Variants in MAMDC2 observed in about 807,000 individuals in gnomAD.
MAMDC2 encodes MAM domain containing 2.
MAMDC2 carries 57 observed loss-of-function variants against 89.8 expected under a neutral mutation model. The observed-to-expected ratio is 0.63, with a 90% confidence interval of 0.51 to 0.79. MAMDC2 has a LOEUF of 0.79. Ranked by LOEUF, MAMDC2 falls within the 30% of genes least tolerant of loss-of-function variation. MAMDC2 has a pLI of 0.00. For missense variants in MAMDC2, 800 were observed against 820.6 expected, an observed-to-expected ratio of 0.97 and a Z score of 0.31; for synonymous variants, 313 against 293.4, an observed-to-expected ratio of 1.07 and a Z score of -0.68.
intron 11 of MAMDC2, chr9:70,217,492 G>C: frequency 6.7e-7 from 1 of 1,486,962 alleles, no homozygotes; most frequent in Non-Finnish European, 9.4e-7. Flanking sequence ...GAAACCTTAA[G>C]TTAGAAAGGC....
At chr9:70,195,367 C>T (rs2118612689) in intron 11 of MAMDC2, among the ~76,000 whole-genome samples, 3 of 152,198 alleles carry the variant, frequency 2.0e-5, no homozygotes, top group Admixed American at 2.0e-4. Flanking sequence ...ATTTGACAAA[C>T]TATTTCCTGC....
At chr9:70,090,708 A>G (rs182396782) in intron 2 of MAMDC2, 7 of 152,300 alleles carry the variant, frequency 4.6e-5, no homozygotes, top group Non-Finnish European at 1.5e-5. Context: ...TAGCCAAAGT[A>G]TAAATGGCAC....
intron 2 of MAMDC2, among the ~76,000 whole-genome samples, chr9:70,050,134 C>T (rs1231842879): frequency 6.6e-6 from 1 of 152,176 alleles, no homozygotes. Context: ...TGGGGCCAAA[C>T]AAAGCCACAA....
intron 2 of MAMDC2, among the ~76,000 whole-genome samples, chr9:70,068,513 T>C (rs1274504362): frequency 6.6e-6 from 1 of 151,844 alleles, no homozygotes; most frequent in African/African-American, 2.4e-5. Context: ...AGGTAGGAGT[T>C]TGAGACCAGC....
chr9:70,185,560 C>A (rs1164264318), intron 11 of MAMDC2, among the ~76,000 whole-genome samples: 1 of 152,160 alleles, frequency 6.6e-6, no homozygotes, highest in Non-Finnish European at 1.5e-5. Flanking sequence ...TAAGCTGCTG[C>A]CTTTCTTTCA....
Position 70,204,140 on chromosome 9 carries a change from T to TA in MAMDC2, c.1652-14196dup, listed in dbSNP as rs1006636759. 5.5e-3 allele frequency among the ~76,000 whole-genome samples: 843 copies of TA among 151,960 alleles called. 7 individuals carry two copies. Among genetic ancestry groups the TA allele is most frequent in the African/African-American group, 0.02 (809 of 41,456 alleles). On this transcript the variant is annotated intron_variant, in intron 11 of 13. Coordinates refer to ENST00000377182, the MANE Select transcript of MAMDC2 (RefSeq NM_153267.5). ...GGAGGAGGAGAGACGCTCTGCGTTT[T>TA]AGAGTTTCCAGTTTTTCTGTTCTGT...
chr9:70,208,021 T>G (rs2033265989), intron 11 of MAMDC2, among the ~76,000 whole-genome samples: 6 of 152,216 alleles, frequency 3.9e-5, no homozygotes, highest in Admixed American at 3.3e-4. Context: ...ACCATGCTGT[T>G]TTGGTTACTG....
intron 11 of MAMDC2, chr9:70,194,002 C>T (rs768181411): frequency 1.3e-5 from 2 of 152,088 alleles, no homozygotes; most frequent in Non-Finnish European, 2.9e-5. Flanking sequence ...AAAAGTCACA[C>T]TATAAATATG....
intron 2 of MAMDC2, chr9:70,087,243 T>C (rs1827789739): frequency 6.6e-6 from 1 of 152,172 alleles, no homozygotes; most frequent in African/African-American, 2.4e-5. Context: ...TGAAAAATAC[T>C]CTAATTCAAA....
At chr9:70,096,185 T>G (rs1828022716) in intron 2 of MAMDC2, among the ~76,000 whole-genome samples, 1 of 152,086 alleles carries the variant, frequency 6.6e-6, no homozygotes, top group Admixed American at 6.6e-5. Flanking sequence ...GCCTGGCTAA[T>G]TTTTCTATGT....
intron 11 of MAMDC2, among the ~76,000 whole-genome samples, chr9:70,215,788 T>G (rs1219161594): frequency 6.6e-6 from 1 of 152,100 alleles, no homozygotes; most frequent in Non-Finnish European, 1.5e-5. Flanking sequence ...TCAGCCCAGT[T>G]TTGCAGGGTG....
Position 70,143,591 on chromosome 9 carries a change from G to C in MAMDC2, c.1176G>C (p.Gln392His). Reference sequence around the variant, plus strand: ...TAGCCAACACAAAGTTCACATCTCAGCCTGGCTACATTGGAAGGCTCTATG... The same window carrying C: ...TAGCCAACACAAAGTTCACATCTCACCCTGGCTACATTGGAAGGCTCTATG... Reference protein sequence around the residue: ...YLLANTKFTSQPGYIGRLYGP... With the variant: ...YLLANTKFTSHPGYIGRLYGP... The change falls in exon 9 of 14, where the codon CAG becomes CAC. Residue 392 changes from glutamine to histidine, a missense_variant. Physicochemically the swap from Gln to His is conservative, Grantham distance 24. Transcript: ENST00000377182. The C allele has an allele frequency of 1.2e-6, 2 of 1,614,116 alleles. No individual in the cohort carries two copies. The highest frequency in any genetic ancestry group is 8.5e-7 in the Non-Finnish European group (1 of 1,180,002).
intron 2 of MAMDC2, chr9:70,090,597 G>A (rs957401388): frequency 1.3e-5 from 2 of 151,798 alleles, no homozygotes; most frequent in African/African-American, 4.8e-5. Context: ...AAAAAGTTTA[G>A]TAACATACAC....
intron 6 of MAMDC2, among the ~76,000 whole-genome samples, chr9:70,127,749 T>C (rs1397736848): frequency 1.3e-5 from 2 of 151,916 alleles, no homozygotes; most frequent in Non-Finnish European, 2.9e-5. Flanking sequence ...TGCTATTTCC[T>C]ATCCCAAAGT....
chr9:70,047,341 T>A (rs1397881524), intron 2 of MAMDC2, among the ~76,000 whole-genome samples: 3 of 152,120 alleles, frequency 2.0e-5, no homozygotes, highest in African/African-American at 7.2e-5. Context: ...GTCCTAATAC[T>A]CTCCCTCCCC....
chr9:70,218,004 A>G lies in MAMDC2; in HGVS notation c.1652-333A>G, dbSNP rs1175973749. 2.0e-5 allele frequency among the ~76,000 whole-genome samples: 3 copies of G among 152,196 alleles called. No individual in the cohort carries two copies. In the East Asian group the frequency reaches 5.8e-4, roughly 29 times the overall value. ...CCCACCCTCTCTTTCTCTCCAAACC[A>G]ACGTCTGGAAGCTTTAGGATATTGT... On this transcript the variant is annotated intron_variant, in intron 11 of 13. Transcript: ENST00000377182.
intron 9 of MAMDC2, among the ~76,000 whole-genome samples, chr9:70,147,028 G>A (rs1248904655): frequency 1.4e-5 from 2 of 144,346 alleles, no homozygotes; most frequent in African/African-American, 5.2e-5. Flanking sequence ...GGCCAAGGCA[G>A]GCATATCACC....
intron 11 of MAMDC2, among the ~76,000 whole-genome samples, chr9:70,177,255 C>T (rs1228139769): frequency 6.6e-6 from 1 of 152,118 alleles, no homozygotes; most frequent in Non-Finnish European, 1.5e-5. Context: ...TACTTGGACA[C>T]AAGATCTGTG....
chr9:70,212,157 T>C (rs931329518), intron 11 of MAMDC2, among the ~76,000 whole-genome samples: 7 of 152,246 alleles, frequency 4.6e-5, no homozygotes, highest in African/African-American at 1.4e-4. Flanking sequence ...TTCAAAGCTG[T>C]CAGACAGGGA....
Sources: gnomAD v4.1 joint callset for allele counts (sites outside exome capture counted in the v4.1 genomes callset) on GRCh38, gnomAD v4.1.1 for gene constraint, MANE v1.5 for transcripts, NCBI Gene and HGNC (gene_info 2026-07-23, HGNC 2026-07-21) for gene names.